The following ACAP2 variants were observed in gnomAD, a reference collection of about 807,000 sequenced individuals.
The protein encoded by ACAP2 is ArfGAP with coiled-coil, ankyrin repeat and PH domains 2.
A neutral mutation model predicts 115.8 loss-of-function variants in ACAP2; 39 were observed. The ratio of observed to expected loss-of-function variants is 0.34; its 90% CI spans 0.26 to 0.44. The LOEUF (loss-of-function observed/expected upper bound fraction) is 0.44, where lower values mean the gene tolerates loss of function less well. ACAP2 is among the 20% of genes least tolerant of loss of function. The pLI is 1.00. For synonymous variants in ACAP2, 289 were observed against 315.8 expected, an observed-to-expected ratio of 0.92 and a Z score of 0.90; for missense variants, 662 against 927.6, an observed-to-expected ratio of 0.71 and a Z score of 3.72.
At chr3:195,302,514 G>T (rs1325750925) in intron 13 of ACAP2, among the ~76,000 whole-genome samples, 1 of 151,932 alleles carries the variant, frequency 6.6e-6, no homozygotes, top group Non-Finnish European at 1.5e-5. Flanking sequence ...TCAAACTCAA[G>T]AATGAAATAA....
chr3:195,340,526 T>C (rs1730798315), intron 6 of ACAP2, among the ~76,000 whole-genome samples: 1 of 151,558 alleles, frequency 6.6e-6, no homozygotes, highest in African/African-American at 2.4e-5. Context: ...GATGAAACCC[T>C]AAAAAGGAGA....
chr3:195,286,131 C>T (rs1304794424), intron 21 of ACAP2, among the ~76,000 whole-genome samples: 1 of 152,182 alleles, frequency 6.6e-6, no homozygotes, highest in Non-Finnish European at 1.5e-5. Context: ...TAGTGGCTTG[C>T]TTCCTCCAGA....
At chr3:195,430,081 G>C (rs1485652260) in intron 1 of ACAP2, among the ~76,000 whole-genome samples, 2 of 152,164 alleles carry the variant, frequency 1.3e-5, no homozygotes, top group South Asian at 2.1e-4. Context: ...AAGATGAAAA[G>C]GACAGGTCCA....
chr3:195,403,805 C>A (rs1015749757), intron 1 of ACAP2, among the ~76,000 whole-genome samples: 2 of 152,040 alleles, frequency 1.3e-5, no homozygotes, highest in African/African-American at 4.8e-5. Context: ...ACTAGATATA[C>A]AAGTGATGAC....
intron 10 of ACAP2, among the ~76,000 whole-genome samples, chr3:195,318,353 T>G (rs1273147579): frequency 4.6e-5 from 7 of 152,262 alleles, no homozygotes; most frequent in African/African-American, 1.4e-4. Context: ...AGGCAGAGGT[T>G]GGAACAGTTT....
At chr3:195,356,222 A>G (rs755131293) in intron 4 of ACAP2, 2 of 456,382 alleles carry the variant, frequency 4.4e-6, no homozygotes, top group South Asian at 3.1e-5. Context: ...TGGGACTACA[A>G]GCCGGAACGC....
At position 195,358,190 on chromosome 3, in the gene ACAP2, C is replaced by T. The variant is rs552177307; in HGVS notation, c.286-12873G>A. On this transcript the variant is annotated intron_variant, in intron 4 of 22. Transcript: ENST00000326793. ...GGGGTGCCCTCTAATGCAGATACAG[C>T]TGTAGGGACCAAAAACCTAGATAAT... Among the ~76,000 whole-genome samples the T allele has an allele frequency of 2.4e-4, 36 of 152,246 alleles. 2 individuals are homozygous for T. In the South Asian group the frequency reaches 7.0e-3, roughly 30 times the overall value.
intron 8 of ACAP2, among the ~76,000 whole-genome samples, chr3:195,328,366 CAGA>C (rs1388815123): frequency 2.0e-5 from 3 of 148,186 alleles, no homozygotes; most frequent in Admixed American, 6.7e-5. Context: ...GTTTTTTCTA[CAGA>C]AGAATAATTC....
At chr3:195,368,114 A>C (rs1334775120) in intron 4 of ACAP2, among the ~76,000 whole-genome samples, 1 of 152,138 alleles carries the variant, frequency 6.6e-6, no homozygotes, top group Non-Finnish European at 1.5e-5. Context: ...ACATTTTGGT[A>C]CTATTTGTAT....
At chr3:195,291,327 A>G (rs1404322182) in intron 20 of ACAP2, among the ~76,000 whole-genome samples, 1 of 152,248 alleles carries the variant, frequency 6.6e-6, no homozygotes, top group African/African-American at 2.4e-5. Flanking sequence ...AAGTCATCAA[A>G]TTATCTTTAA....
At chr3:195,294,181 T>C (rs1449720535) in intron 18 of ACAP2, among the ~76,000 whole-genome samples, 1 of 151,906 alleles carries the variant, frequency 6.6e-6, no homozygotes, top group African/African-American at 2.4e-5. Flanking sequence ...ATAAACAATA[T>C]ATAGCTAGGA....
chr3:195,441,024 C>T (rs1715950628), intron 1 of ACAP2, among the ~76,000 whole-genome samples: 1 of 151,848 alleles, frequency 6.6e-6, no homozygotes, highest in Non-Finnish European at 1.5e-5. Flanking sequence ...GTATGTTGCC[C>T]TCTTATTTTA....
At chr3:195,342,020 TG>T (rs1730912108) in intron 6 of ACAP2, among the ~76,000 whole-genome samples, 1 of 152,156 alleles carries the variant, frequency 6.6e-6, no homozygotes, top group South Asian at 2.1e-4. Context: ...AGGTGATGGA[TG>T]AAAAATTTCC....
Position 195,357,004 on chromosome 3 carries a change from G to A in ACAP2, c.286-11687C>T, listed in dbSNP as rs1185544249. Among the ~76,000 whole-genome samples the A allele has an allele frequency of 4.6e-5, 7 of 151,940 alleles. No homozygotes were observed. In the East Asian group the frequency reaches 1.4e-3, roughly 30 times the overall value. Reference sequence around the variant, plus strand: ...ATTAGGTACCACCTCAAACATAGTTGGGAGGAGCACCAAGTGGGTTCGTAG... The same window carrying A: ...ATTAGGTACCACCTCAAACATAGTTAGGAGGAGCACCAAGTGGGTTCGTAG... On this transcript the variant is annotated intron_variant, in intron 4 of 22. Coordinates refer to ENST00000326793, the MANE Select transcript of ACAP2 (RefSeq NM_012287.6).
rs1733913545 is a variant in ACAP2, at chr3:195,381,094, C to A, written c.232-32G>T. The A allele has an allele frequency of 9.0e-6, 14 of 1,553,264 alleles. No homozygotes were observed. The East Asian group carries it at 2.9e-4, about 32-fold the overall frequency. On this transcript the variant is annotated intron_variant, in intron 3 of 22. Coordinates refer to ENST00000326793, the MANE Select transcript of ACAP2 (RefSeq NM_012287.6). The stretch of plus-strand genomic sequence containing the variant: ...GAAAAAAAGCAAAAGAAAACCAAAT[C>A]ATTTATGAGCCACTTAAATAGGTCA...
intron 4 of ACAP2, among the ~76,000 whole-genome samples, chr3:195,368,145 G>GA: frequency 6.6e-6 from 1 of 151,974 alleles, no homozygotes; most frequent in Non-Finnish European, 1.5e-5. Context: ...TAACTCTCTG[G>GA]TTTTTTGTTT....
intron 1 of ACAP2, among the ~76,000 whole-genome samples, chr3:195,394,134 C>T (rs1711552979): frequency 6.6e-6 from 1 of 152,090 alleles, no homozygotes; most frequent in African/African-American, 2.4e-5. Flanking sequence ...AGACATGGTC[C>T]TCCTGGAACC....
intron 4 of ACAP2, among the ~76,000 whole-genome samples, chr3:195,348,848 TA>T (rs1731353392): frequency 6.6e-6 from 1 of 152,154 alleles, no homozygotes; most frequent in South Asian, 2.1e-4. Context: ...GAAAAATCTG[TA>T]TCTAACATCC....
intron 1 of ACAP2, among the ~76,000 whole-genome samples, chr3:195,436,683 T>C (rs1430558061): frequency 1.3e-5 from 2 of 152,130 alleles, no homozygotes; most frequent in Non-Finnish European, 2.9e-5. Flanking sequence ...GAAAGACATA[T>C]CCTCTTCTGA....
Sources: gnomAD v4.1 joint callset for allele counts (sites outside exome capture counted in the v4.1 genomes callset) on GRCh38, gnomAD v4.1.1 for gene constraint, MANE v1.5 for transcripts, NCBI Gene and HGNC (gene_info 2026-07-23, HGNC 2026-07-21) for gene names.